Variants in LRRK1 observed in about 807,000 individuals in gnomAD.
LRRK1 encodes the protein leucine rich repeat kinase 1, also known as leucine-rich repeat serine/threonine-protein kinase 1.
Under a neutral mutation model 209.1 loss-of-function variants are expected in LRRK1, and 113 were observed. The ratio of observed to expected loss-of-function variants is 0.54; its 90% CI spans 0.46 to 0.63. The LOEUF (loss-of-function observed/expected upper bound fraction) is 0.63, where lower values mean the gene tolerates loss of function less well. Among genes scored for constraint, LRRK1 ranks in the 30% least tolerant of loss-of-function variants. LRRK1 has a pLI of 0.00. For missense variants in LRRK1, 2,284 were observed against 2,632.2 expected, an observed-to-expected ratio of 0.87 and a Z score of 2.89; for synonymous variants, 1,144 against 1,099.7, an observed-to-expected ratio of 1.04 and a Z score of -0.80.
Position 101,073,110 on chromosome 15 carries a change from T to A in LRRK1, c.*4262T>A. 1 of 165,634 alleles carries A rather than the reference T, an allele frequency of 6.0e-6. No individual in the cohort carries two copies. Among genetic ancestry groups the A allele is most frequent in the Non-Finnish European group, 1.3e-5 (1 of 78,298 alleles). The allele number at this position is 165,634 out of a possible 1,614,324, so 10.3% of individuals were successfully genotyped here. The stretch of plus-strand genomic sequence containing the variant: ...CAGTAAGCAGCCTCTTTTTACTCTC[T>A]TCTCCAACCTCCCTCACTATCCCTC... On this transcript the variant is annotated 3_prime_UTR_variant, in exon 34 of 34. Transcript: ENST00000388948.
At chr15:100,960,123 G>A (rs1163634397) in intron 2 of LRRK1, among the ~76,000 whole-genome samples, 5 of 152,070 alleles carry the variant, frequency 3.3e-5, no homozygotes, top group Non-Finnish European at 7.4e-5. Context: ...CTTGAATTCC[G>A]CCACGTAAGA....
chr15:100,995,342 A>G (rs568334997), intron 6 of LRRK1, among the ~76,000 whole-genome samples: 17 of 152,280 alleles, frequency 1.1e-4, no homozygotes, highest in African/African-American at 4.1e-4. Flanking sequence ...CAAAGGGAGA[A>G]AATACAGAGA....
intron 12 of LRRK1, among the ~76,000 whole-genome samples, chr15:101,017,363 G>A (rs549390946): frequency 3.9e-5 from 6 of 152,216 alleles, no homozygotes; most frequent in Middle Eastern, 3.4e-3. Context: ...ATTTATATGT[G>A]ACTGAAAAAG....
intron 19 of LRRK1, among the ~76,000 whole-genome samples, chr15:101,028,164 C>T (rs145791169): frequency 3.9e-5 from 6 of 152,234 alleles, no homozygotes; most frequent in African/African-American, 7.2e-5. Context: ...ATAGCAAATA[C>T]GGAACCAGTG....
chr15:101,006,789 T>C (rs1041719874), intron 6 of LRRK1, among the ~76,000 whole-genome samples: 1 of 152,196 alleles, frequency 6.6e-6, no homozygotes, highest in African/African-American at 2.4e-5. Context: ...GTTTTAACAA[T>C]CAGTGAGTCG....
chr15:100,980,640 G>A (rs1488159853), intron 3 of LRRK1, among the ~76,000 whole-genome samples: 1 of 152,062 alleles, frequency 6.6e-6, no homozygotes, highest in African/African-American at 2.4e-5. Flanking sequence ...GGATACTAGG[G>A]TTTTCTCAGT....
intron 4 of LRRK1, 46 bp from the exon 5 acceptor site, chr15:100,988,588 G>A: frequency 6.3e-7 from 1 of 1,592,982 alleles, no homozygotes; most frequent in Non-Finnish European, 8.6e-7. Flanking sequence ...GGAACAAACA[G>A]CACCCTTCAG....
chr15:100,988,796 A>G lies in LRRK1; in HGVS notation c.596A>G (p.Tyr199Cys). The G allele has an allele frequency of 6.2e-7, 1 of 1,604,522 alleles. No individual in the cohort carries two copies. Among genetic ancestry groups the G allele is most frequent in the Non-Finnish European group, 8.5e-7 (1 of 1,172,824 alleles). The change falls in exon 5 of 34, where the codon TAT becomes TGT. Residue 199 changes from tyrosine to cysteine, a missense_variant. Physicochemically the swap from Tyr to Cys is radical, Grantham distance 194. Transcript: ENST00000388948. ...CCTGTCATCGTGCGCTTGCCCCTGT[A>G]TGCGGCCATCAAGTCAGGTGGGTTT... ...EFPVIVRLPL[Y>C]AAIKSGNEDI...
chr15:100,992,041 T>C (rs7175779), intron 6 of LRRK1, among the ~76,000 whole-genome samples: 8,045 of 152,230 alleles, frequency 0.053, 485 homozygotes, highest in African/African-American at 0.15. Context: ...TAAATGCTCA[T>C]TGTCTTTTTT....
At position 101,010,548 on chromosome 15, in the gene LRRK1, G is replaced by C. The variant is rs753981637; in HGVS notation, c.1088G>C (p.Cys363Ser). 6.2e-6 allele frequency: 10 copies of C among 1,611,972 alleles called. No homozygotes were observed. Among genetic ancestry groups the C allele is most frequent in the Non-Finnish European group, 8.5e-6 (10 of 1,179,552 alleles). ...CAAAAACTGACAGCTTCAAAAAATTGTTTAGAAAAATTGTTCGAAGAAGAA... is the reference window on the plus strand; with the variant it reads ...CAAAAACTGACAGCTTCAAAAAATTCTTTAGAAAAATTGTTCGAAGAAGAA... ...KLQKLTASKNCLEKLFEEENA... is the reference protein window; with the variant it reads ...KLQKLTASKNSLEKLFEEENA... The change falls in exon 8 of 34, where the codon TGT (cysteine) becomes TCT (serine). Residue 363 changes from cysteine to serine, a missense_variant. By Grantham distance (112) the Cys-to-Ser change is moderately radical. Around this residue, in one of 6 missense-constraint regions of LRRK1, gnomAD observed 494 missense variants for 522.1 expected, o/e 0.95. Transcript: ENST00000388948.
chr15:101,051,351 C>T (rs529926816), intron 23 of LRRK1, among the ~76,000 whole-genome samples: 5 of 152,298 alleles, frequency 3.3e-5, no homozygotes, highest in East Asian at 1.9e-4. Context: ...TCCCCACTGC[C>T]GTGATGGTTG....
chr15:100,919,866 C>T lies in LRRK1; in HGVS notation c.-123+415C>T, dbSNP rs1306889354. ...CTCTGCCTTTGGAGCGAACCCAGTCCCTTAGCGGGGAGCGGGCGGAGTGTG... is the reference window on the plus strand; with the variant it reads ...CTCTGCCTTTGGAGCGAACCCAGTCTCTTAGCGGGGAGCGGGCGGAGTGTG... On this transcript the variant is annotated intron_variant, in intron 1 of 33. Transcript: ENST00000388948. The surrounding 1 kb of genome is among the most constrained non-coding windows in gnomAD (Gnocchi z 5.8). 6.6e-6 allele frequency among the ~76,000 whole-genome samples: 1 copy of T among 151,986 alleles called. No individual in the cohort carries two copies. The highest frequency in any genetic ancestry group is 1.5e-5 in the Non-Finnish European group (1 of 67,976).
intron 6 of LRRK1, among the ~76,000 whole-genome samples, chr15:100,998,971 T>C (rs982636422): frequency 2.0e-5 from 3 of 152,234 alleles, no homozygotes; most frequent in Non-Finnish European, 4.4e-5. Flanking sequence ...TCTGTTTACG[T>C]AGGGCCTCAT....
At position 101,006,372 on chromosome 15, in the gene LRRK1, TAAAAA is replaced by T. The variant is rs56053663; in HGVS notation, c.763-2449_763-2445del. Reference sequence around the variant, plus strand: ...AGGACTTAATGCAACGACAATGTGATAAAAAAAAAAAAAAAAAAAAGAAAAGGCAT... The same window carrying T: ...AGGACTTAATGCAACGACAATGTGATAAAAAAAAAAAAAAAGAAAAGGCAT... On this transcript the variant is annotated intron_variant, in intron 6 of 33. Coordinates refer to ENST00000388948, the MANE Select transcript of LRRK1 (RefSeq NM_024652.6). 2.2e-3 allele frequency among the ~76,000 whole-genome samples: 257 copies of T among 114,452 alleles called. 2 individuals carry two copies. In the East Asian group the frequency reaches 0.027, roughly 12 times the overall value. 75.1% of individuals were successfully genotyped at this position (114,452 alleles called of 152,430 possible).
rs764999306 is a variant in LRRK1 at position 101,054,584 on chromosome 15, G to A, written c.4055-362G>A. ...CACTTTGGGAGGCCCAGGCGGGCAGGTCGCTTAAAGCCAGGAATTCAAGAC... is the reference window on the plus strand; with the variant it reads ...CACTTTGGGAGGCCCAGGCGGGCAGATCGCTTAAAGCCAGGAATTCAAGAC... On this transcript the variant is annotated intron_variant, in intron 26 of 33. Coordinates refer to ENST00000388948, the MANE Select transcript of LRRK1 (RefSeq NM_024652.6). 2.1e-4 allele frequency among the ~76,000 whole-genome samples: 32 copies of A among 152,304 alleles called. No homozygotes were observed. The Middle Eastern group carries it at 0.014, about 65-fold the overall frequency.
chr15:100,929,222 G>A (rs997882086), intron 2 of LRRK1, among the ~76,000 whole-genome samples: 30 of 152,086 alleles, frequency 2.0e-4, no homozygotes, highest in African/African-American at 7.2e-4. Context: ...AAGACTTCTG[G>A]ATTGCGGAGG....
intron 3 of LRRK1, among the ~76,000 whole-genome samples, chr15:100,979,277 A>G (rs551598352): frequency 2.6e-5 from 4 of 152,310 alleles, no homozygotes; most frequent in African/African-American, 9.6e-5. Flanking sequence ...TACAACTAAC[A>G]TCATTCTTGA....
intron 2 of LRRK1, among the ~76,000 whole-genome samples, chr15:100,938,303 T>G (rs1316925652): frequency 1.3e-5 from 2 of 152,236 alleles, no homozygotes; most frequent in Non-Finnish European, 2.9e-5. Flanking sequence ...TTGTTTTTAG[T>G]TGACATGTAA....
chr15:101,044,638 C>T (rs1476441110), intron 20 of LRRK1, among the ~76,000 whole-genome samples: 1 of 152,220 alleles, frequency 6.6e-6, no homozygotes, highest in Non-Finnish European at 1.5e-5. Context: ...TGGAGCACCT[C>T]TTCTGTGTGC....
Sources: allele counts gnomAD v4.1 joint callset (sites outside exome capture counted in the v4.1 genomes callset), GRCh38; gene constraint gnomAD v4.1.1; regional missense constraint gnomAD v4.1.1; non-coding constraint Gnocchi (gnomAD v3.1); transcripts MANE v1.5; gene names NCBI Gene and HGNC (gene_info 2026-07-23, HGNC 2026-07-21).